The following ZMYND8 variants were observed in gnomAD, a reference collection of about 807,000 sequenced individuals.
The protein encoded by ZMYND8 is zinc finger MYND-type containing 8.
In ZMYND8, 37 loss-of-function variants were observed where a neutral mutation model predicts 140.8. The observed-to-expected ratio is 0.26, with a 90% CI of 0.20 to 0.35. ZMYND8 has a LOEUF of 0.35. ZMYND8 is among the 10% of genes least tolerant of loss of function. ZMYND8 has a pLI of 1.00. For missense variants in ZMYND8, 1,068 were observed against 1,570.0 expected (o/e 0.68, Z 5.40); for synonymous variants, 592 against 597.1 (o/e 0.99, Z 0.12).
At chr20:47,283,220 T>C (rs1171392802) in intron 9 of ZMYND8, among the ~76,000 whole-genome samples, 2 of 152,192 alleles carry the variant, frequency 1.3e-5, no homozygotes, top group African/African-American at 2.4e-5. Context: ...CCTCTTAAAA[T>C]AGAACCAACA....
chr20:47,259,030 C>T (rs2074966241), intron 12 of ZMYND8, among the ~76,000 whole-genome samples: 1 of 152,038 alleles, frequency 6.6e-6, no homozygotes, highest in African/African-American at 2.4e-5. Context: ...CACCAAGACA[C>T]ACAACAGGAA....
chr20:47,260,737 C>A (rs533319098), intron 12 of ZMYND8, among the ~76,000 whole-genome samples: 1 of 152,140 alleles, frequency 6.6e-6, no homozygotes, highest in African/African-American at 2.4e-5. Context: ...GTGTGAACTG[C>A]CTCTCATGGT....
In ZMYND8 at chr20:47,262,160, G is replaced by A. The variant is rs976303467; in HGVS notation, c.1621+128C>T. 5.9e-6 allele frequency: 8 copies of A among 1,345,922 alleles called. No individual in the cohort carries two copies. The African/African-American group carries it at 7.3e-5, about 12-fold the overall frequency. 83.4% of individuals were successfully genotyped at this position (1,345,922 alleles called of 1,614,324 possible). ...AGATCTTTTCTCACCTTCATCCTCT[G>A]AAACTTTTGCATTTTTTGCATAGAG... On this transcript the variant is annotated intron_variant, in intron 12 of 22. Coordinates refer to ENST00000471951, the MANE Select transcript of ZMYND8 (RefSeq NM_001281775.3).
intron 3 of ZMYND8, among the ~76,000 whole-genome samples, chr20:47,309,766 T>TG (rs1237645563): frequency 7.0e-6 from 1 of 143,284 alleles, no homozygotes; most frequent in African/African-American, 2.7e-5. Flanking sequence ...CCTAAAAGCA[T>TG]GAAAAAAAAA....
At chr20:47,220,225 A>G in intron 21 of ZMYND8, 33 bp downstream of exon 21, 1 of 1,539,024 alleles carries the variant, frequency 6.5e-7, no homozygotes, top group East Asian at 2.4e-5. Flanking sequence ...CTGAAATGTG[A>G]AAGCACCGTT....
chr20:47,246,603 T>C, intron 13 of ZMYND8, 86 bp from the exon 14 acceptor site: 1 of 1,489,536 alleles, frequency 6.7e-7, no homozygotes, highest in Non-Finnish European at 8.9e-7. Flanking sequence ...CCACACCAAA[T>C]GCTGGAATAA....
intron 2 of ZMYND8, among the ~76,000 whole-genome samples, chr20:47,341,599 G>C (rs556515747): frequency 6.6e-6 from 1 of 151,828 alleles, no homozygotes; most frequent in Admixed American, 6.6e-5. Flanking sequence ...GGCCAGGTGC[G>C]GTGGTTCATG....
chr20:47,292,747 G>C (rs1261197917), intron 5 of ZMYND8, among the ~76,000 whole-genome samples: 1 of 151,980 alleles, frequency 6.6e-6, no homozygotes, highest in African/African-American at 2.4e-5. Context: ...CATCATGTCC[G>C]CAAGTTTCTC....
intron 19 of ZMYND8, among the ~76,000 whole-genome samples, chr20:47,222,396 C>T (rs534365359): frequency 2.6e-5 from 4 of 152,258 alleles, no homozygotes; most frequent in East Asian, 1.9e-4. Context: ...ATTAGCCAGG[C>T]GTGGTGGCGG....
chr20:47,211,498 A>G (rs1568860594), intron 22 of ZMYND8, among the ~76,000 whole-genome samples: 2 of 152,230 alleles, frequency 1.3e-5, no homozygotes, highest in Non-Finnish European at 2.9e-5. Flanking sequence ...CAGAATCAGA[A>G]TAAGACCTAG....
At chr20:47,236,777 A>T (rs112477545) in intron 15 of ZMYND8, among the ~76,000 whole-genome samples, 2 of 152,178 alleles carry the variant, frequency 1.3e-5, no homozygotes, top group Non-Finnish European at 2.9e-5. Context: ...TCTTAAAGCG[A>T]CTGCCTGGGA....
chr20:47,333,692 C>T (rs746829792), intron 2 of ZMYND8, among the ~76,000 whole-genome samples: 23 of 131,560 alleles, frequency 1.7e-4, no homozygotes, highest in East Asian at 5.1e-4. Flanking sequence ...TGCCACTGCA[C>T]TCTAGCCTGG....
intron 2 of ZMYND8, chr20:47,319,380 T>TG (rs2079721418): frequency 4.1e-6 from 1 of 243,080 alleles, no homozygotes; most frequent in East Asian, 1.1e-4. Context: ...GAAGGGAGCC[T>TG]GGGGGGAGGG....
rs768445920 is a variant in ZMYND8, at chr20:47,276,354, A to G, written c.1440T>C (p.Ser480=). The change falls in exon 11 of 23, where the codon AGT becomes AGC. Residue 480 remains serine (S), a synonymous_variant. Transcript: ENST00000471951. ...AEKKATSSHF[S]ASEESMDFLD... is the part of the protein sequence containing the mutation. Reference sequence around the variant, plus strand: ...GGAAGTCCATGGACTCCTCGCTCGCACTGAAGTGGCTCGACGTGGCCTTCT... The same window carrying G: ...GGAAGTCCATGGACTCCTCGCTCGCGCTGAAGTGGCTCGACGTGGCCTTCT... The G allele has an allele frequency of 3.8e-6, 6 of 1,597,802 alleles. No individual in the cohort carries two copies. Among genetic ancestry groups the G allele is most frequent in the Admixed American group, 3.4e-5 (2 of 59,514 alleles).
intron 2 of ZMYND8, among the ~76,000 whole-genome samples, chr20:47,338,319 C>T (rs1201404076): frequency 6.6e-6 from 1 of 152,100 alleles, no homozygotes; most frequent in African/African-American, 2.4e-5. Context: ...TTCACACCAA[C>T]AGACCACCTG....
chr20:47,321,855 C>CT (rs2079980624), intron 2 of ZMYND8, among the ~76,000 whole-genome samples: 9 of 143,566 alleles, frequency 6.3e-5, no homozygotes, highest in African/African-American at 2.6e-4. Context: ...AACTCGCCGC[C>CT]CTTTTTTTTT....
intron 2 of ZMYND8, among the ~76,000 whole-genome samples, chr20:47,341,892 A>G (rs2081926869): frequency 6.6e-6 from 1 of 151,564 alleles, no homozygotes; most frequent in Non-Finnish European, 1.5e-5. Flanking sequence ...AATCCCAGCT[A>G]CTTGGGAGGC....
chr20:47,345,576 T>G (rs1479475903), intron 2 of ZMYND8, among the ~76,000 whole-genome samples: 1 of 151,580 alleles, frequency 6.6e-6, no homozygotes, highest in Non-Finnish European at 1.5e-5. Context: ...GGCGTGGTCT[T>G]GGCTCACTGC....
At chr20:47,305,320 C>G (rs1346437521) in intron 3 of ZMYND8, among the ~76,000 whole-genome samples, 1 of 151,396 alleles carries the variant, frequency 6.6e-6, no homozygotes, top group African/African-American at 2.4e-5. Context: ...GATATTGGTT[C>G]ACTACAACCT....
Sources: allele counts gnomAD v4.1 joint callset (sites outside exome capture counted in the v4.1 genomes callset), GRCh38; gene constraint gnomAD v4.1.1; transcripts MANE v1.5; gene names NCBI Gene and HGNC (gene_info 2026-07-23, HGNC 2026-07-21).